Variants in ARHGAP22 observed in about 807,000 individuals in gnomAD.
ARHGAP22 encodes rho GTPase-activating protein 22.
A neutral mutation model predicts 59.1 loss-of-function variants in ARHGAP22; 48 were observed. That is an observed-to-expected ratio of 0.81 (90% CI 0.64 to 1.03). The LOEUF is 1.03. Among genes scored for constraint, ARHGAP22 ranks in the 50% least tolerant of loss-of-function variants. The probability of loss-of-function intolerance (pLI) is 0.00; values close to 1 mark genes in which losing one functional copy is unlikely to be tolerated. For synonymous variants in ARHGAP22, 445 were observed against 416.4 expected, an observed-to-expected ratio of 1.07 and a Z score of -0.84; for missense variants, 1,015 against 958.7, an observed-to-expected ratio of 1.06 and a Z score of -0.78.
intron 3 of ARHGAP22, among the ~76,000 whole-genome samples, chr10:48,521,223 G>A (rs2053778723): frequency 6.6e-6 from 1 of 152,112 alleles, no homozygotes; most frequent in East Asian, 1.9e-4. Flanking sequence ...TGGGATTAAT[G>A]TCACAGCATA....
chr10:48,571,589 A>C (rs745645239), intron 2 of ARHGAP22, among the ~76,000 whole-genome samples: 1 of 152,204 alleles, frequency 6.6e-6, no homozygotes, highest in Non-Finnish European at 1.5e-5. Flanking sequence ...CCTTATTGGG[A>C]CAGTGGTGAT....
Position 48,450,949 on chromosome 10 carries a change from A to G in ARHGAP22, c.1180T>C (p.Ser394Pro). The change falls in exon 9 of 10, where the codon TCT (serine) becomes CCT (proline). Residue 394 changes from serine (S) to proline (P), a missense_variant. By Grantham distance (74) the Ser-to-Pro change is moderately conservative. Transcript: ENST00000249601. ...GCCACGGCCGCCCCGTCCAGGGAAGAGGTCCTGTGCGCGGGCAGGCCGGGG... is the reference window on the plus strand; with the variant it reads ...GCCACGGCCGCCCCGTCCAGGGAAGGGGTCCTGTGCGCGGGCAGGCCGGGG... ...GGPGLPAHRT[S>P]SLDGAAVAVL... is the part of the protein sequence containing the mutation. 6.3e-7 allele frequency: 1 copy of G among 1,582,812 alleles called. No homozygotes were observed. Among genetic ancestry groups the G allele is most frequent in the Non-Finnish European group, 8.6e-7 (1 of 1,165,400 alleles).
intron 4 of ARHGAP22, among the ~76,000 whole-genome samples, chr10:48,473,977 C>T (rs898422733): frequency 2.0e-4 from 30 of 152,196 alleles, no homozygotes; most frequent in African/African-American, 6.5e-4. Context: ...AGGTACTGCG[C>T]CATGCATCCT....
intron 2 of ARHGAP22, among the ~76,000 whole-genome samples, chr10:48,557,980 C>A (rs754529235): frequency 6.6e-6 from 1 of 152,154 alleles, no homozygotes; most frequent in Admixed American, 6.5e-5. Context: ...CAACTTTGAA[C>A]GTGCCTTGGA....
At chr10:48,548,078 G>A (rs536123083) in intron 3 of ARHGAP22, among the ~76,000 whole-genome samples, 4 of 152,314 alleles carry the variant, frequency 2.6e-5, no homozygotes, top group African/African-American at 9.6e-5. Context: ...TGTAGCTTAA[G>A]CACAGATACT....
At chr10:48,445,191 A>G (rs2133470495), downstream of ARHGAP22, 1 of 152,410 alleles carries the variant, frequency 6.6e-6, no homozygotes, top group African/African-American at 2.4e-5. Flanking sequence ...GATGTGGGCA[A>G]CATTTATACC....
chr10:48,545,394 A>G (rs2056342429), intron 3 of ARHGAP22, among the ~76,000 whole-genome samples: 1 of 152,202 alleles, frequency 6.6e-6, no homozygotes, highest in African/African-American at 2.4e-5. Context: ...AAGACAGGAG[A>G]ACCCCACTGC....
chr10:48,578,034 C>T (rs1298744409), intron 2 of ARHGAP22, among the ~76,000 whole-genome samples: 1 of 152,000 alleles, frequency 6.6e-6, no homozygotes, highest in Non-Finnish European at 1.5e-5. Flanking sequence ...GTCTCGAACT[C>T]CTGACCTCAA....
At chr10:48,562,295 A>G (rs1321942051) in intron 2 of ARHGAP22, among the ~76,000 whole-genome samples, 2 of 136,638 alleles carry the variant, frequency 1.5e-5, no homozygotes, top group Non-Finnish European at 3.2e-5. Flanking sequence ...TCCTACATAT[A>G]CCCAAGAGAA....
intron 2 of ARHGAP22, among the ~76,000 whole-genome samples, chr10:48,581,918 G>A (rs112555525): frequency 6.6e-6 from 1 of 152,218 alleles, no homozygotes; most frequent in African/African-American, 2.4e-5. Context: ...GATGAGGCCT[G>A]TTCCCTTTTC....
intron 3 of ARHGAP22, among the ~76,000 whole-genome samples, chr10:48,541,586 C>T (rs2055939818): frequency 6.6e-6 from 1 of 152,172 alleles, no homozygotes; most frequent in African/African-American, 2.4e-5. Flanking sequence ...CCTGGAGCCC[C>T]CAAAGGCAAT....
intron 3 of ARHGAP22, among the ~76,000 whole-genome samples, chr10:48,504,117 G>A (rs2051825819): frequency 1.3e-5 from 2 of 152,192 alleles, no homozygotes; most frequent in African/African-American, 2.4e-5. Context: ...CTGCCCTGGG[G>A]GCCTGGGGAC....
chr10:48,574,098 T>C (rs1207794812), intron 2 of ARHGAP22, among the ~76,000 whole-genome samples: 1 of 152,206 alleles, frequency 6.6e-6, no homozygotes, highest in African/African-American at 2.4e-5. Flanking sequence ...GGGCTTACAG[T>C]CTGATAGGGA....
Position 48,450,960 on chromosome 10 carries a change from G to A in ARHGAP22, c.1169C>T (p.Ala390Val), listed in dbSNP as rs1589415706. 5 of 1,576,628 alleles carry A rather than the reference G, an allele frequency of 3.2e-6. No homozygotes were observed. Among genetic ancestry groups the A allele is most frequent in the Non-Finnish European group, 4.3e-6 (5 of 1,162,140 alleles). The change falls in exon 9 of 10, where the codon GCG becomes GTG. Residue 390 changes from alanine (A) to valine (V), a missense_variant. Transcript: ENST00000249601. ...CCCGTCCAGGGAAGAGGTCCTGTGC[G>A]CGGGCAGGCCGGGGCCGCCGGGCTC... ...QGEPGGPGLP[A>V]HRTSSLDGAA...
intron 3 of ARHGAP22, among the ~76,000 whole-genome samples, chr10:48,515,536 AC>A (rs2053204177): frequency 6.6e-6 from 1 of 152,224 alleles, no homozygotes; most frequent in Non-Finnish European, 1.5e-5. Context: ...CAACAAGGAA[AC>A]AGAAGACTTG....
chr10:48,516,870 A>C (rs1162714087), intron 3 of ARHGAP22, among the ~76,000 whole-genome samples: 1 of 152,238 alleles, frequency 6.6e-6, no homozygotes, highest in Non-Finnish European at 1.5e-5. Context: ...ATCCAAATCT[A>C]CTGATGAATG....
intron 1 of ARHGAP22, among the ~76,000 whole-genome samples, chr10:48,593,720 G>T (rs143568037): frequency 6.6e-6 from 1 of 152,330 alleles, no homozygotes; most frequent in Non-Finnish European, 1.5e-5. Flanking sequence ...CTTATGAATC[G>T]TTTATTTCTG....
chr10:48,635,468 C>T lies in ARHGAP22; in HGVS notation c.52+16766G>A, dbSNP rs1394530400. The stretch of plus-strand genomic sequence containing the variant: ...CCCACTGATGGCTTCCCGCTCCAGG[C>T]TCTCAGCCCTCGGCTTTCTCTGAAG... On this transcript the variant is annotated intron_variant, in intron 1 of 9. Transcript: ENST00000435790. 6.6e-5 allele frequency among the ~76,000 whole-genome samples: 10 copies of T among 152,242 alleles called. No individual in the cohort carries two copies. The East Asian group carries it at 1.9e-3, about 29-fold the overall frequency.
intron 6 of ARHGAP22, among the ~76,000 whole-genome samples, 191 bp downstream of exon 6, chr10:48,454,811 G>C (rs12355719): frequency 6.6e-6 from 1 of 151,184 alleles, no homozygotes; most frequent in East Asian, 2.0e-4. Context: ...TCCCCGACCT[G>C]AGCAGGATGC....
Sources: allele counts gnomAD v4.1 joint callset (sites outside exome capture counted in the v4.1 genomes callset), GRCh38; gene constraint gnomAD v4.1.1; transcripts MANE v1.5; gene names NCBI Gene and HGNC (gene_info 2026-07-23, HGNC 2026-07-21).